The following SLC4A5 variants were observed in gnomAD, a reference collection of about 807,000 sequenced individuals.
SLC4A5 encodes the protein electrogenic sodium bicarbonate cotransporter 4.
Under a neutral mutation model 120.4 loss-of-function variants are expected in SLC4A5, and 96 were observed. The ratio of observed to expected loss-of-function variants is 0.80; its 90% CI spans 0.68 to 0.94. SLC4A5 has a LOEUF of 0.94. Ranked by LOEUF, SLC4A5 falls within the 40% of genes least tolerant of loss-of-function variation. The pLI is 0.00. For synonymous variants in SLC4A5, 550 were observed against 571.1 expected (o/e 0.96, Z 0.53); for missense variants, 1,259 against 1,459.5 (o/e 0.86, Z 2.24).
At chr2:74,281,621 C>G (rs1671817161) in intron 8 of SLC4A5, among the ~76,000 whole-genome samples, 1 of 152,216 alleles carries the variant, frequency 6.6e-6, no homozygotes, top group Non-Finnish European at 1.5e-5. Context: ...GCTGCACACA[C>G]AGTCCCCATT....
intron 6 of SLC4A5, among the ~76,000 whole-genome samples, chr2:74,312,886 T>C (rs1447964266): frequency 6.6e-6 from 1 of 152,134 alleles, no homozygotes; most frequent in Non-Finnish European, 1.5e-5. Context: ...TGAGCTAAGA[T>C]GCACCACTGC....
At chr2:74,239,666 T>C in intron 20 of SLC4A5, 131 bp from the exon 21 acceptor site, 1 of 821,960 alleles carries the variant, frequency 1.2e-6, no homozygotes, top group South Asian at 1.6e-5. Context: ...CCCAGAGTGA[T>C]GTTCCTGGGG....
chr2:74,338,066 G>A (rs986304253), intron 3 of SLC4A5, among the ~76,000 whole-genome samples: 6 of 152,224 alleles, frequency 3.9e-5, no homozygotes, highest in Admixed American at 6.5e-5. Context: ...GGCATCAAGA[G>A]AGGGTCAGGT....
intron 17 of SLC4A5, among the ~76,000 whole-genome samples, chr2:74,248,892 G>A (rs1265147962): frequency 1.3e-5 from 2 of 152,200 alleles, no homozygotes; most frequent in East Asian, 3.8e-4. Context: ...CTGTGTACCA[G>A]GCATTGTGAA....
chr2:74,220,580 G>A (rs899904437), intron 30 of SLC4A5, among the ~76,000 whole-genome samples: 16 of 151,650 alleles, frequency 1.1e-4, no homozygotes, highest in Non-Finnish European at 1.8e-4. Flanking sequence ...GCAGTGGCGT[G>A]ATCTCGGCTC....
At chr2:74,285,260 C>G (rs1157547462) in intron 8 of SLC4A5, among the ~76,000 whole-genome samples, 1 of 152,120 alleles carries the variant, frequency 6.6e-6, no homozygotes, top group Admixed American at 6.5e-5. Flanking sequence ...GGAAAAACAA[C>G]AACAACGAGA....
intron 5 of SLC4A5, among the ~76,000 whole-genome samples, chr2:74,326,001 A>AG (rs1334641556): frequency 6.6e-6 from 1 of 151,976 alleles, no homozygotes; most frequent in Non-Finnish European, 1.5e-5. Context: ...TGAGAAACAG[A>AG]GGGGGCCTGG....
chr2:74,241,360 G>A (rs977194275), intron 20 of SLC4A5, among the ~76,000 whole-genome samples: 20 of 151,052 alleles, frequency 1.3e-4, no homozygotes, highest in African/African-American at 4.9e-4. Flanking sequence ...CTGCCTCCTG[G>A]GTTCAAACAA....
At chr2:74,230,331 C>T (rs1018093386) in intron 25 of SLC4A5, among the ~76,000 whole-genome samples, 21 of 152,048 alleles carry the variant, frequency 1.4e-4, no homozygotes, top group African/African-American at 5.1e-4. Context: ...TGGAGTCTCT[C>T]CAGAAAGAGA....
chr2:74,226,819 G>A, intron 27 of SLC4A5, 138 bp downstream of exon 27: 1 of 977,116 alleles, frequency 1.0e-6, no homozygotes, highest in African/African-American at 1.6e-5. Flanking sequence ...GTCATTCTGT[G>A]CCAGCCTCCG....
Position 74,304,603 on chromosome 2 carries a change from C to T in SLC4A5, c.157G>A (p.Gly53Ser), listed in dbSNP as rs150889394. 4.3e-4 allele frequency: 698 copies of T among 1,614,184 alleles called. No homozygotes were observed. The highest frequency in any genetic ancestry group is 5.7e-4 in the Non-Finnish European group (672 of 1,180,036). The change falls in exon 7 of 31, where the codon GGC becomes AGC. Residue 53 changes from glycine to serine, a missense_variant. Transcript: ENST00000394019. ...AGGCCCCAGTGGACTTTTTGCAGGCCTGAAAGATGTCCCTTCTGGTCAGTT... is the reference window on the plus strand; with the variant it reads ...AGGCCCCAGTGGACTTTTTGCAGGCTTGAAAGATGTCCCTTCTGGTCAGTT...
intron 3 of SLC4A5, among the ~76,000 whole-genome samples, chr2:74,334,673 G>A (rs943305890): frequency 6.6e-6 from 1 of 151,960 alleles, no homozygotes; most frequent in South Asian, 2.1e-4. Flanking sequence ...AATAGAGCCT[G>A]GCTCATAAAT....
chr2:74,265,295 C>A, intron 8 of SLC4A5, 31 bp from the exon 9 acceptor site: 1 of 1,604,290 alleles, frequency 6.2e-7, no homozygotes, highest in Non-Finnish European at 8.5e-7. Context: ...CTCAGTGTGG[C>A]CAGGGCCCTC....
intron 6 of SLC4A5, among the ~76,000 whole-genome samples, chr2:74,314,417 A>C (rs1672901203): frequency 6.6e-6 from 1 of 152,150 alleles, no homozygotes; most frequent in Non-Finnish European, 1.5e-5. Context: ...CTAGGTGGGC[A>C]GCGAGGTTGG....
In SLC4A5 at chr2:74,304,635, T is replaced by C. The variant is rs752448602; in HGVS notation, c.125A>G (p.Gln42Arg). The C allele has an allele frequency of 2.5e-6, 4 of 1,614,014 alleles. No individual in the cohort carries two copies. In the African/African-American group the frequency reaches 5.3e-5, roughly 22 times the overall value. Reference sequence around the variant, plus strand: ...ATGTCCCTTCTGGTCAGTTTTTCTTTGAGGGTAAGTGGGTACTGGAAGCCC... The same window carrying C: ...ATGTCCCTTCTGGTCAGTTTTTCTTCGAGGGTAAGTGGGTACTGGAAGCCC... Residue 42 changes from glutamine (Q) to arginine (R), a missense_variant, in exon 7 of 31, where the codon CAA becomes CGA. By Grantham distance (43) the Gln-to-Arg change is conservative. Coordinates refer to ENST00000394019, the Ensembl canonical transcript of SLC4A5.
chr2:74,292,886 G>A (rs971324880), intron 7 of SLC4A5, among the ~76,000 whole-genome samples: 3 of 152,124 alleles, frequency 2.0e-5, no homozygotes, highest in African/African-American at 7.2e-5. Flanking sequence ...AGCTTTGTGA[G>A]GTCAGGGCCT....
intron 7 of SLC4A5, among the ~76,000 whole-genome samples, chr2:74,289,859 C>T (rs1334412310): frequency 1.3e-5 from 2 of 151,884 alleles, no homozygotes; most frequent in East Asian, 1.9e-4. Flanking sequence ...TGGAGGATGG[C>T]ATGAAAAAGA....
At chr2:74,232,716 GTGGAACA>G in intron 23 of SLC4A5, 69 bp from the exon 24 acceptor site, 8 of 1,555,762 alleles carry the variant, frequency 5.1e-6, no homozygotes, top group Non-Finnish European at 7.0e-6. Context: ...CAACCATTCT[GTGGAACA>G]TGGTTCAAGG....
At position 74,269,029 on chromosome 2, in the gene SLC4A5, G is replaced by A. The variant is rs141268540; in HGVS notation, c.402-3765C>T. Among the ~76,000 whole-genome samples, 96 of 152,336 alleles carry A rather than the reference G, an allele frequency of 6.3e-4. 1 individual carries two copies. The highest frequency in any genetic ancestry group is 2.2e-3 in the African/African-American group (91 of 41,572). On this transcript the variant is annotated intron_variant, in intron 8 of 30. Coordinates refer to ENST00000394019, the Ensembl canonical transcript of SLC4A5. ...CTGGGAGGTGAAGACCTGAAACATG[G>A]GGGCTGGAGCCAGAGACCAGGCAGA...
Sources: gnomAD v4.1 joint callset for allele counts (sites outside exome capture counted in the v4.1 genomes callset) on GRCh38, gnomAD v4.1.1 for gene constraint, MANE v1.5 for transcripts, NCBI Gene and HGNC (gene_info 2026-07-23, HGNC 2026-07-21) for gene names.